DCTN4: variants seen among roughly 807,000 people sequenced by gnomAD.
The protein encoded by DCTN4 is dynactin 4 (p62).
In DCTN4, 23 loss-of-function variants were observed where a neutral mutation model predicts 62.7. The ratio of observed to expected loss-of-function variants is 0.37; its 90% CI spans 0.26 to 0.52. The LOEUF (loss-of-function observed/expected upper bound fraction) is 0.52, where lower values mean the gene tolerates loss of function less well. Ranked by LOEUF, DCTN4 falls within the 20% of genes least tolerant of loss-of-function variation. The pLI is 0.92. For synonymous variants in DCTN4, 199 were observed against 202.1 expected, an observed-to-expected ratio of 0.98 and a Z score of 0.13; for missense variants, 514 against 580.4, an observed-to-expected ratio of 0.89 and a Z score of 1.18.
rs1759551611 is a variant in DCTN4 at position 150,711,248 on chromosome 5, C to T, written c.1284G>A (p.Leu428=). 3 of 1,613,052 alleles carry T rather than the reference C, an allele frequency of 1.9e-6. No homozygotes were observed. The highest frequency in any genetic ancestry group is 1.7e-5 in the Admixed American group (1 of 59,976). Residue 428 remains leucine (L), a synonymous_variant, in exon 13 of 13, where the codon CTG becomes CTA. Coordinates refer to ENST00000447998, the MANE Select transcript of DCTN4 (RefSeq NM_016221.4). ...CTTCAATGGGGCGAATGGGGGCTGC[C>T]AGGTTTTTAAAATCATGCTTCATCT... The part of the protein sequence containing the change: ...CFKMKHDFKN[L]AAPIRPIEES...
intron 1 of DCTN4, among the ~76,000 whole-genome samples, chr5:150,757,492 T>C (rs1752904849): frequency 6.6e-6 from 1 of 152,164 alleles, no homozygotes; most frequent in Non-Finnish European, 1.5e-5. Context: ...CTGTAAAAGA[T>C]GCTGTCACAG....
At chr5:150,728,621 ATCT>A (rs1760240610) in intron 8 of DCTN4, among the ~76,000 whole-genome samples, 1 of 152,104 alleles carries the variant, frequency 6.6e-6, no homozygotes, top group Non-Finnish European at 1.5e-5. Context: ...TGTAAATTGA[ATCT>A]TTTTTTTAAA....
intron 3 of DCTN4, among the ~76,000 whole-genome samples, chr5:150,746,827 A>C (rs1752455857): frequency 6.6e-6 from 1 of 152,210 alleles, no homozygotes; most frequent in East Asian, 1.9e-4. Flanking sequence ...CCCACAGCCA[A>C]TATCATACTG....
At chr5:150,729,420 A>AAATTAGC (rs1760276840) in intron 8 of DCTN4, among the ~76,000 whole-genome samples, 1 of 152,036 alleles carries the variant, frequency 6.6e-6, no homozygotes, top group African/African-American at 2.4e-5. Context: ...TTGTTATCAA[A>AAATTAGC]AATTAGCAAC....
chr5:150,757,714 T>A (rs1343251236), intron 1 of DCTN4, among the ~76,000 whole-genome samples: 1 of 152,222 alleles, frequency 6.6e-6, no homozygotes. Flanking sequence ...TATTATTTAA[T>A]TGCTTTTCTT....
At chr5:150,728,155 A>C (rs1760223205) in intron 8 of DCTN4, among the ~76,000 whole-genome samples, 1 of 152,240 alleles carries the variant, frequency 6.6e-6, no homozygotes, top group Non-Finnish European at 1.5e-5. Context: ...ATGGAAATAA[A>C]GTGTTCAAAA....
At chr5:150,711,501 C>T in intron 12 of DCTN4, 139 bp from the exon 13 acceptor site, 1 of 709,122 alleles carries the variant, frequency 1.4e-6, no homozygotes, top group East Asian at 2.7e-5. Flanking sequence ...CTTAACCTAC[C>T]AAGTATTTTT....
chr5:150,721,523 T>A (rs2113016942), intron 9 of DCTN4, among the ~76,000 whole-genome samples: 1 of 152,360 alleles, frequency 6.6e-6, no homozygotes, highest in Non-Finnish European at 1.5e-5. Context: ...TGTGCAAGTA[T>A]GTGTTTACCC....
intron 10 of DCTN4, 48 bp downstream of exon 10, chr5:150,719,668 C>G (rs1178817197): frequency 4.4e-6 from 6 of 1,356,642 alleles, no homozygotes; most frequent in Non-Finnish European, 6.3e-6. Flanking sequence ...CATGTACACA[C>G]ATCATTGATC....
At chr5:150,746,997 T>C (rs1156850261) in intron 3 of DCTN4, among the ~76,000 whole-genome samples, 3 of 152,110 alleles carry the variant, frequency 2.0e-5, no homozygotes, top group African/African-American at 7.2e-5. Context: ...GGAAGTCAAA[T>C]TGTCCCTGTT....
At chr5:150,743,916 A>C (rs1290460381) in intron 3 of DCTN4, among the ~76,000 whole-genome samples, 5 of 152,272 alleles carry the variant, frequency 3.3e-5, no homozygotes, top group Non-Finnish European at 7.3e-5. Flanking sequence ...GCTCCTCACC[A>C]GCAACGGAAC....
intron 3 of DCTN4, among the ~76,000 whole-genome samples, chr5:150,750,129 T>C (rs1752622597): frequency 6.6e-6 from 1 of 152,184 alleles, no homozygotes; most frequent in African/African-American, 2.4e-5. Context: ...GACAGAAATG[T>C]TGTGTATCAT....
intron 10 of DCTN4, among the ~76,000 whole-genome samples, chr5:150,719,196 A>G (rs1051140315): frequency 3.3e-5 from 5 of 152,338 alleles, no homozygotes; most frequent in Middle Eastern, 3.4e-3. Flanking sequence ...AAGCAAAACA[A>G]ATCTTTCAAA....
chr5:150,753,338 T>A, intron 3 of DCTN4, 141 bp downstream of exon 3: 1 of 661,868 alleles, frequency 1.5e-6, no homozygotes, highest in Non-Finnish European at 2.5e-6. Context: ...AATGTGAACA[T>A]ATGGGAACAC....
At position 150,709,257 on chromosome 5, in the gene DCTN4, G is replaced by C. The variant is rs1439633992; in HGVS notation, c.*1892C>G. 1 of 152,494 alleles carries C rather than the reference G, an allele frequency of 6.6e-6. No individual in the cohort carries two copies. The allele number at this position is 152,494 out of a possible 1,614,324, so 9.4% of individuals were successfully genotyped here. On this transcript the variant is annotated 3_prime_UTR_variant, in exon 13 of 13. Transcript: ENST00000447998. ...TATGATCAAAGTGTTTTGTGTTTCT[G>C]TGTATGGGAATGATGAGACCCATAC...
chr5:150,727,206 T>C (rs1373811128), intron 8 of DCTN4, among the ~76,000 whole-genome samples: 1 of 152,166 alleles, frequency 6.6e-6, no homozygotes, highest in Non-Finnish European at 1.5e-5. Flanking sequence ...ATGTACTTTG[T>C]TTATATTTTG....
Position 150,730,643 on chromosome 5 carries a change from G to T in DCTN4, c.822C>A (p.Ser274=), listed in dbSNP as rs573541442. ...PRHKHLLIKR[S]LRCRKCEHNL... is the part of the protein sequence containing the mutation. ...ATGGAATACTTACACGGCAGCGCAG[G>T]GACCGTTTGATCAGAAGATGTTTGT... Residue 274 remains serine (S), a synonymous_variant, in exon 8 of 13, where the codon TCC becomes TCA. Coordinates refer to ENST00000447998, the MANE Select transcript of DCTN4 (RefSeq NM_016221.4). The T allele has an allele frequency of 6.2e-7, 1 of 1,613,824 alleles. No individual in the cohort carries two copies. Among genetic ancestry groups the T allele is most frequent in the African/African-American group, 1.3e-5 (1 of 75,042 alleles).
At chr5:150,734,651 G>C (rs767796620) in intron 4 of DCTN4, among the ~76,000 whole-genome samples, 1 of 152,190 alleles carries the variant, frequency 6.6e-6, no homozygotes, top group South Asian at 2.1e-4. Flanking sequence ...ATCAAGATGG[G>C]GAAGGCGTAA....
chr5:150,740,299 CAACA>C (rs1760722971), intron 4 of DCTN4, among the ~76,000 whole-genome samples: 1 of 151,642 alleles, frequency 6.6e-6, no homozygotes, highest in Non-Finnish European at 1.5e-5. Context: ...CACAAATGGC[CAACA>C]AACATATTTA....
Sources: gnomAD v4.1 joint callset for allele counts (sites outside exome capture counted in the v4.1 genomes callset) on GRCh38, gnomAD v4.1.1 for gene constraint, MANE v1.5 for transcripts, NCBI Gene and HGNC (gene_info 2026-07-23, HGNC 2026-07-21) for gene names.